Variants in HTR2C observed in about 807,000 individuals in gnomAD.
HTR2C encodes 5-hydroxytryptamine (serotonin) receptor 2C, G protein-coupled.
A neutral mutation model predicts 21.0 loss-of-function variants in HTR2C; 5 were observed. That is an observed-to-expected ratio of 0.24 (90% CI 0.12 to 0.50). HTR2C has a LOEUF of 0.50. Ranked by LOEUF, HTR2C falls within the 20% of genes least tolerant of loss-of-function variation. The pLI, the probability that HTR2C is intolerant of heterozygous loss-of-function variation, is 0.98. For missense variants in HTR2C, 271 were observed against 371.2 expected (o/e 0.73, Z 2.22); for synonymous variants, 150 against 145.3 (o/e 1.03, Z -0.23).
chrX:114,792,560 G>C (rs1218768251), intron 4 of HTR2C, among the ~76,000 whole-genome samples: 2 of 111,554 alleles, frequency 1.8e-5, no homozygotes, highest in Admixed American at 1.9e-4. Context: ...TTGGTATTGT[G>C]AATAGTGCTG....
intron 5 of HTR2C, among the ~76,000 whole-genome samples, chrX:114,861,926 A>G (rs1447490932): frequency 1.8e-5 from 2 of 111,756 alleles, no homozygotes; most frequent in African/African-American, 3.2e-5. Flanking sequence ...TTCTCAATTC[A>G]TAGGAACCAT....
At chrX:114,702,667 A>C (rs1167042025) in intron 2 of HTR2C, among the ~76,000 whole-genome samples, 4 of 110,604 alleles carry the variant, frequency 3.6e-5, no homozygotes, top group African/African-American at 9.9e-5. Context: ...GAGCAAAATA[A>C]CCAGCTAACA....
intron 3 of HTR2C, 76 bp from the exon 4 acceptor site, chrX:114,731,215 AGTT>A (rs781814920): frequency 3.4e-6 from 2 of 595,217 alleles, no homozygotes; most frequent in Non-Finnish European, 5.4e-6. Flanking sequence ...ATGAAGAAGC[AGTT>A]GTTTTGCATG....
intron 2 of HTR2C, among the ~76,000 whole-genome samples, chrX:114,646,644 C>T (rs1261513119): frequency 3.6e-5 from 4 of 112,024 alleles, no homozygotes; most frequent in African/African-American, 1.3e-4. Flanking sequence ...GGTGTCTCTT[C>T]ACTCTGTTAA....
intron 4 of HTR2C, among the ~76,000 whole-genome samples, chrX:114,765,332 A>G (rs1556434525): frequency 9.0e-6 from 1 of 111,489 alleles, no homozygotes; most frequent in Non-Finnish European, 1.9e-5. Flanking sequence ...GAAGGAAGCT[A>G]TTATAACAAG....
chrX:114,693,437 A>T (rs1164377514), intron 2 of HTR2C, among the ~76,000 whole-genome samples: 1 of 111,906 alleles, frequency 8.9e-6, no homozygotes, highest in Non-Finnish European at 1.9e-5. Context: ...ACATAATTGG[A>T]TATAGACACC....
At chrX:114,788,651 C>T (rs1392477301) in intron 4 of HTR2C, among the ~76,000 whole-genome samples, 3 of 110,855 alleles carry the variant, frequency 2.7e-5, no homozygotes, top group Admixed American at 9.7e-5. Flanking sequence ...CAAGCAAAGT[C>T]AGGGACATTT....
At chrX:114,605,694 A>C (rs1556396589) in intron 1 of HTR2C, among the ~76,000 whole-genome samples, 1 of 111,136 alleles carries the variant, frequency 9.0e-6, no homozygotes, top group Non-Finnish European at 1.9e-5. Flanking sequence ...TTTAGGTTTT[A>C]GGTCAGGTGT....
At chrX:114,857,106 A>G (rs1037511968) in intron 5 of HTR2C, among the ~76,000 whole-genome samples, 3 of 110,631 alleles carry the variant, frequency 2.7e-5, no homozygotes, top group African/African-American at 6.6e-5. Context: ...TTTGCTACCT[A>G]TGACACAATT....
intron 2 of HTR2C, among the ~76,000 whole-genome samples, chrX:114,679,432 C>T (rs1556413236): frequency 9.1e-6 from 1 of 110,085 alleles, no homozygotes; most frequent in Admixed American, 9.8e-5. Flanking sequence ...GCACGCTCTA[C>T]CATGCCTGGC....
chrX:114,767,494 C>T (rs1556435572), intron 4 of HTR2C, among the ~76,000 whole-genome samples: 2 of 110,089 alleles, frequency 1.8e-5, no homozygotes, highest in Non-Finnish European at 3.8e-5. Flanking sequence ...CTATCTTATA[C>T]CCCATATTTT....
At chrX:114,889,920 T>C (rs1441634973) in intron 5 of HTR2C, among the ~76,000 whole-genome samples, 1 of 111,725 alleles carries the variant, frequency 9.0e-6, no homozygotes, top group East Asian at 2.8e-4. Context: ...GAGACAATTA[T>C]CTTGAATGAA....
intron 4 of HTR2C, among the ~76,000 whole-genome samples, chrX:114,837,436 G>A (rs1423649219): frequency 9.0e-6 from 1 of 111,726 alleles, no homozygotes; most frequent in African/African-American, 3.2e-5. Flanking sequence ...TTTAAATTAA[G>A]AGAGTACGTG....
At chrX:114,592,485 G>A (rs1927673687) in intron 1 of HTR2C, among the ~76,000 whole-genome samples, 1 of 111,195 alleles carries the variant, frequency 9.0e-6, no homozygotes, top group South Asian at 3.7e-4. Context: ...TGTTTCTCTA[G>A]TATAATACAG....
At chrX:114,770,335 T>C (rs782710452) in intron 4 of HTR2C, among the ~76,000 whole-genome samples, 6 of 111,615 alleles carry the variant, frequency 5.4e-5, no homozygotes, top group Non-Finnish European at 1.1e-4. Flanking sequence ...TGGACTCCCA[T>C]TATGCATAAT....
intron 2 of HTR2C, among the ~76,000 whole-genome samples, chrX:114,675,125 T>C (rs1448611922): frequency 3.6e-5 from 4 of 112,076 alleles, no homozygotes; most frequent in Admixed American, 2.9e-4. Context: ...CATAGATGTA[T>C]TATTAAAAAT....
intron 4 of HTR2C, among the ~76,000 whole-genome samples, chrX:114,760,893 C>A (rs1264698270): frequency 9.0e-6 from 1 of 111,403 alleles, no homozygotes; most frequent in African/African-American, 3.3e-5. Context: ...TGCAACACTT[C>A]AACCAAACTA....
intron 4 of HTR2C, among the ~76,000 whole-genome samples, chrX:114,809,282 C>A (rs2070508512): frequency 9.0e-6 from 1 of 111,233 alleles, no homozygotes; most frequent in South Asian, 3.8e-4. Context: ...CGCCACCACC[C>A]CATGCACGTG....
chrX:114,888,177 G>A (rs903638178), intron 5 of HTR2C, among the ~76,000 whole-genome samples: 11 of 111,126 alleles, frequency 9.9e-5, no homozygotes, highest in Non-Finnish European at 1.5e-4. Context: ...CCAACTTTTA[G>A]TTAATTGACT....
Sources: allele counts gnomAD v4.1 joint callset (sites outside exome capture counted in the v4.1 genomes callset), GRCh38; gene constraint gnomAD v4.1.1; transcripts MANE v1.5; gene names NCBI Gene and HGNC (gene_info 2026-07-23, HGNC 2026-07-21).